WWOX: variants seen among roughly 807,000 people sequenced by gnomAD.
WWOX encodes the protein WW domain-containing oxidoreductase.
A neutral mutation model predicts 46.2 loss-of-function variants in WWOX; 69 were observed. The ratio of observed to expected loss-of-function variants is 1.49; its 90% CI spans 1.23 to 1.82. The LOEUF (loss-of-function observed/expected upper bound fraction) is 1.82. Among genes scored for constraint, WWOX ranks in the 40% most tolerant of loss-of-function variants. The probability of loss-of-function intolerance (pLI) is 0.00; values close to 1 mark genes in which losing one functional copy is unlikely to be tolerated. For missense variants in WWOX, 919 were observed against 542.6 expected (o/e 1.69, Z -6.89); for synonymous variants, 359 against 202.6 (o/e 1.77, Z -6.56).
intron 8 of WWOX, among the ~76,000 whole-genome samples, chr16:79,026,562 G>C (rs910635172): frequency 6.7e-6 from 1 of 149,644 alleles, no homozygotes; most frequent in African/African-American, 2.5e-5. Context: ...CTGCTTTTCT[G>C]CACTCTCCTG....
At chr16:78,703,744 A>G (rs1177868224) in intron 8 of WWOX, among the ~76,000 whole-genome samples, 1 of 152,046 alleles carries the variant, frequency 6.6e-6, no homozygotes, top group Non-Finnish European at 1.5e-5. Context: ...ATATCCCAAA[A>G]TGTGTTTCCA....
intron 8 of WWOX, chr16:78,895,730 G>A (rs1185109845): frequency 6.6e-6 from 1 of 152,160 alleles, no homozygotes; most frequent in Non-Finnish European, 1.5e-5. Flanking sequence ...ATTGATTGAG[G>A]AACGCAAGAC....
At chr16:78,809,196 G>C (rs1033514342) in intron 8 of WWOX, among the ~76,000 whole-genome samples, 1 of 151,368 alleles carries the variant, frequency 6.6e-6, no homozygotes, top group African/African-American at 2.4e-5. Flanking sequence ...CTCCTGGATG[G>C]TTTCCTTTAG....
At chr16:78,788,325 C>G (rs2550591) in intron 8 of WWOX, among the ~76,000 whole-genome samples, 114,594 of 152,096 alleles carry the variant, frequency 0.75, 43,584 homozygotes, top group Middle Eastern at 0.82. Context: ...ACAATATTGC[C>G]TGTGTTAGGC....
intron 8 of WWOX, among the ~76,000 whole-genome samples, chr16:78,930,221 T>TCC (rs779622011): frequency 0.034 from 4,278 of 124,492 alleles, 278 homozygotes; most frequent in Non-Finnish European, 0.037. Context: ...TTCAGGACCT[T>TCC]TCTTCCTTCC....
At chr16:78,777,942 T>G (rs992739248) in intron 8 of WWOX, among the ~76,000 whole-genome samples, 11 of 146,196 alleles carry the variant, frequency 7.5e-5, no homozygotes, top group African/African-American at 2.8e-4. Flanking sequence ...CTGCTCAGAA[T>G]GCTAAGGTAG....
intron 8 of WWOX, among the ~76,000 whole-genome samples, chr16:78,584,043 CCTT>C (rs1302719749): frequency 6.6e-6 from 1 of 152,130 alleles, no homozygotes; most frequent in East Asian, 1.9e-4. Flanking sequence ...TCAACCTGTC[CCTT>C]CTTTTTGTGA....
chr16:79,159,982 G>C (rs897777475), intron 8 of WWOX, among the ~76,000 whole-genome samples: 2 of 152,132 alleles, frequency 1.3e-5, no homozygotes, highest in Admixed American at 1.3e-4. Context: ...GGGGCTTTGG[G>C]ATTTGGGGCT....
chr16:79,182,103 A>C (rs900856561), intron 8 of WWOX, among the ~76,000 whole-genome samples: 3 of 140,260 alleles, frequency 2.1e-5, no homozygotes, highest in African/African-American at 9.5e-5. Flanking sequence ...TCCTGCTCAC[A>C]CCAGCCAGCT....
chr16:78,100,926 C>T (rs964728038), intron 1 of WWOX, among the ~76,000 whole-genome samples: 2 of 152,140 alleles, frequency 1.3e-5, no homozygotes, highest in African/African-American at 4.8e-5. Context: ...TTTTTTTAAG[C>T]TTTCCAGGTG....
chr16:78,307,877 C>G (rs983509998), intron 5 of WWOX, among the ~76,000 whole-genome samples: 2 of 152,062 alleles, frequency 1.3e-5, no homozygotes, highest in African/African-American at 4.8e-5. Context: ...AAGACTGTAC[C>G]TTAAAAAAAA....
chr16:79,011,787 C>G (rs1456444649), intron 8 of WWOX, among the ~76,000 whole-genome samples: 1 of 152,032 alleles, frequency 6.6e-6, no homozygotes, highest in Non-Finnish European at 1.5e-5. Context: ...GCCACCATGC[C>G]CGGCCCCCTT....
At position 78,321,282 on chromosome 16, in the gene WWOX, ATATATATACG is replaced by A. The variant is rs56191574; in HGVS notation, c.517-65569_517-65560del. Among the ~76,000 whole-genome samples the A allele has an allele frequency of 4.5e-3, 561 of 125,888 alleles. 14 individuals are homozygous for A. The highest frequency in any genetic ancestry group is 0.015 in the East Asian group (58 of 3,910). The allele number at this position is 125,888 out of a possible 152,430, so 82.6% of individuals were successfully genotyped here. Reference sequence around the variant, plus strand: ...CGTAGGTTCTTAGTTTTTTAAATATATATATATACGTATATATATACGTATATATATGCGT... The same window carrying A: ...CGTAGGTTCTTAGTTTTTTAAATATATATATATATACGTATATATATGCGT... On this transcript the variant is annotated intron_variant, in intron 5 of 8. Transcript: ENST00000566780.
intron 8 of WWOX, among the ~76,000 whole-genome samples, chr16:79,143,848 A>C (rs1428147217): frequency 6.6e-6 from 1 of 152,168 alleles, no homozygotes; most frequent in Non-Finnish European, 1.5e-5. Context: ...TGCTGATATG[A>C]AGCCGATGCA....
intron 8 of WWOX, among the ~76,000 whole-genome samples, chr16:78,845,402 C>G (rs1308773670): frequency 1.3e-5 from 2 of 152,162 alleles, no homozygotes; most frequent in East Asian, 3.9e-4. Flanking sequence ...GTTTTCCATT[C>G]CAAACCCTTT....
At chr16:78,138,261 T>A (rs2033868410) in intron 4 of WWOX, among the ~76,000 whole-genome samples, 5 of 151,002 alleles carry the variant, frequency 3.3e-5, no homozygotes, top group African/African-American at 4.9e-5. Context: ...ATGACTTACC[T>A]CTTTTTAGTT....
chr16:79,052,847 CAT>C (rs1239893938), intron 8 of WWOX, among the ~76,000 whole-genome samples: 1 of 152,054 alleles, frequency 6.6e-6, no homozygotes, highest in Non-Finnish European at 1.5e-5. Flanking sequence ...TTCTAACAAT[CAT>C]ATTGCTTAAG....
rs71140858 is a variant in WWOX, at chr16:79,047,672, A to ATTTTTT, written c.1057-163912_1057-163907dup. On this transcript the variant is annotated intron_variant, in intron 8 of 8. Transcript: ENST00000566780. ...GTGACTTTCTCCTGAGACTGTCCTG[A>ATTTTTT]TTTTTTTTTTTTTTTTTTTTTTTTT... Among the ~76,000 whole-genome samples the ATTTTTT allele has an allele frequency of 5.8e-4, 31 of 53,544 alleles. 1 individual carries two copies. Among genetic ancestry groups the ATTTTTT allele is most frequent in the Non-Finnish European group, 6.3e-4 (18 of 28,466 alleles). The allele number at this position is 53,544 out of a possible 152,430, so 35.1% of individuals were successfully genotyped here. A position where few individuals can be genotyped will look rare whatever the true frequency, so the allele number is the denominator to read the frequency against.
chr16:78,970,838 G>C (rs2046454922), intron 8 of WWOX, among the ~76,000 whole-genome samples: 1 of 152,058 alleles, frequency 6.6e-6, no homozygotes. Flanking sequence ...AGGAAGTCTT[G>C]GAGTGATGGC....
Sources: allele counts gnomAD v4.1 joint callset (sites outside exome capture counted in the v4.1 genomes callset), GRCh38; gene constraint gnomAD v4.1.1; transcripts MANE v1.5; gene names NCBI Gene and HGNC (gene_info 2026-07-23, HGNC 2026-07-21).